The following TNNI3K variants were observed in gnomAD, a reference collection of about 807,000 sequenced individuals.
TNNI3K encodes the protein TNNI3 interacting kinase.
A neutral mutation model predicts 114.5 loss-of-function variants in TNNI3K; 140 were observed. The observed-to-expected ratio is 1.22, with a 90% confidence interval of 1.07 to 1.41. TNNI3K has a LOEUF of 1.41. TNNI3K is among the 40% of genes most tolerant of loss of function. The pLI is 0.00. For synonymous variants in TNNI3K, 347 were observed against 347.5 expected (o/e 1.00, Z 0.02); for missense variants, 1,125 against 1,007.6 (o/e 1.12, Z -1.58).
intron 21 of TNNI3K, among the ~76,000 whole-genome samples, chr1:74,473,447 TA>T (rs1478434392): frequency 6.6e-6 from 1 of 152,158 alleles, no homozygotes; most frequent in Non-Finnish European, 1.5e-5. Context: ...AGAAGTTTTT[TA>T]TTCCATGAGA....
intron 17 of TNNI3K, among the ~76,000 whole-genome samples, chr1:74,431,990 G>A (rs905867124): frequency 6.6e-6 from 1 of 152,040 alleles, no homozygotes; most frequent in Non-Finnish European, 1.5e-5. Flanking sequence ...CAAACTTGCT[G>A]TTATCTAAAA....
At chr1:74,346,670 T>A (rs1251951990) in intron 9 of TNNI3K, among the ~76,000 whole-genome samples, 1 of 149,636 alleles carries the variant, frequency 6.7e-6, no homozygotes, top group Admixed American at 6.8e-5. Context: ...CTAGAATGCC[T>A]GGCATAATCA....
intron 21 of TNNI3K, chr1:74,483,510 A>G: frequency 1.9e-6 from 1 of 521,780 alleles, no homozygotes. Flanking sequence ...TTAAGATGCC[A>G]GGTAAATAAC....
At chr1:74,515,773 T>C (rs1341988662) in intron 23 of TNNI3K, among the ~76,000 whole-genome samples, 2 of 152,182 alleles carry the variant, frequency 1.3e-5, no homozygotes, top group Admixed American at 6.5e-5. Context: ...ATAAGTATGA[T>C]AAAAGCTAAG....
At chr1:74,453,597 T>C (rs944322134) in intron 20 of TNNI3K, among the ~76,000 whole-genome samples, 7 of 152,168 alleles carry the variant, frequency 4.6e-5, no homozygotes, top group African/African-American at 1.7e-4. Context: ...AATATTAGCA[T>C]TGACTCCTAC....
intron 5 of TNNI3K, among the ~76,000 whole-genome samples, chr1:74,314,637 C>T (rs527962963): frequency 3.9e-4 from 59 of 152,156 alleles, no homozygotes; most frequent in African/African-American, 1.4e-3. Flanking sequence ...GCTTGGGTTG[C>T]ACAACTTGAT....
chr1:74,387,339 T>C lies in TNNI3K; in HGVS notation c.1772+16947T>C, dbSNP rs60036697. 5.0e-3 allele frequency among the ~76,000 whole-genome samples: 756 copies of C among 152,316 alleles called. 7 individuals carry two copies. Among genetic ancestry groups the C allele is most frequent in the African/African-American group, 0.017 (724 of 41,568 alleles). ...GAAACAAGCGAATACATTTAAAAATTCATATTTTCAGCATTTGATTAGTGA... is the reference window on the plus strand; with the variant it reads ...GAAACAAGCGAATACATTTAAAAATCCATATTTTCAGCATTTGATTAGTGA... On this transcript the variant is annotated intron_variant, in intron 17 of 24. Transcript: ENST00000326637.
At chr1:74,279,895 A>T (rs1300200081) in intron 5 of TNNI3K, among the ~76,000 whole-genome samples, 2 of 152,200 alleles carry the variant, frequency 1.3e-5, no homozygotes, top group East Asian at 3.9e-4. Context: ...AATAATTATA[A>T]CGTAATAAAT....
intron 17 of TNNI3K, among the ~76,000 whole-genome samples, chr1:74,409,743 C>G (rs948441126): frequency 1.5e-4 from 23 of 152,142 alleles, no homozygotes; most frequent in South Asian, 4.1e-4. Flanking sequence ...ATCCACCCAC[C>G]TTGGCCACCC....
At chr1:74,520,216 A>G (rs1487324713) in intron 23 of TNNI3K, among the ~76,000 whole-genome samples, 2 of 151,964 alleles carry the variant, frequency 1.3e-5, no homozygotes, top group Admixed American at 6.6e-5. Flanking sequence ...GCATCCTCAT[A>G]TACCTTGATT....
chr1:74,474,744 A>T (rs539018822), intron 21 of TNNI3K, among the ~76,000 whole-genome samples: 1 of 152,228 alleles, frequency 6.6e-6, no homozygotes, highest in South Asian at 2.1e-4. Flanking sequence ...CTTGGCTCCC[A>T]GTGTGGGACA....
intron 20 of TNNI3K, among the ~76,000 whole-genome samples, chr1:74,451,327 G>A (rs941124883): frequency 1.3e-5 from 2 of 152,058 alleles, no homozygotes; most frequent in Non-Finnish European, 2.9e-5. Context: ...GTTGATAGGT[G>A]CAGCAAACCA....
At chr1:74,256,068 C>A (rs954362201) in intron 4 of TNNI3K, among the ~76,000 whole-genome samples, 1 of 152,130 alleles carries the variant, frequency 6.6e-6, no homozygotes, top group Admixed American at 6.5e-5. Flanking sequence ...CTGTTCTGAA[C>A]ACTCACATAC....
Position 74,342,897 on chromosome 1 carries a change from A to G in TNNI3K, c.738A>G (p.Gly246=), listed in dbSNP as rs1406772340. 1 of 1,613,756 alleles carries G rather than the reference A, an allele frequency of 6.2e-7. No homozygotes were observed. Among genetic ancestry groups the G allele is most frequent in the East Asian group, 2.2e-5 (1 of 44,860 alleles). ...CACTCCATTTCTGTTCTCGATTTGG[A>G]CACCATGATATAGTTAAGTATCTGC... ...HVPLHFCSRF[G]HHDIVKYLLQ... Residue 246 remains glycine, a synonymous_variant, in exon 8 of 25, where the codon GGA becomes GGG. Coordinates refer to ENST00000326637, the MANE Select transcript of TNNI3K (RefSeq NM_015978.3).
chr1:74,489,562 A>T (rs551102059), intron 22 of TNNI3K, among the ~76,000 whole-genome samples: 2 of 152,358 alleles, frequency 1.3e-5, no homozygotes, highest in South Asian at 4.1e-4. Flanking sequence ...GTAATTATTT[A>T]ATCAATTTTT....
At chr1:74,253,122 C>T (rs549866505) in intron 4 of TNNI3K, among the ~76,000 whole-genome samples, 1 of 152,278 alleles carries the variant, frequency 6.6e-6, no homozygotes, top group South Asian at 2.1e-4. Context: ...CCAATTGGTG[C>T]ATCCACAAAC....
At chr1:74,522,191 C>T (rs925871288) in intron 23 of TNNI3K, among the ~76,000 whole-genome samples, 1 of 152,152 alleles carries the variant, frequency 6.6e-6, no homozygotes, top group Non-Finnish European at 1.5e-5. Flanking sequence ...CTTGATGAAT[C>T]AGGGCCAGAC....
At chr1:74,344,400 T>C (rs1195453496) in intron 9 of TNNI3K, among the ~76,000 whole-genome samples, 2 of 152,208 alleles carry the variant, frequency 1.3e-5, no homozygotes, top group African/African-American at 4.8e-5. Context: ...TAGAAAATAA[T>C]GTTGCAAATG....
intron 17 of TNNI3K, among the ~76,000 whole-genome samples, chr1:74,384,763 C>T (rs1019822663): frequency 6.6e-6 from 1 of 152,040 alleles, no homozygotes; most frequent in African/African-American, 2.4e-5. Flanking sequence ...GCAACGTTTC[C>T]TGAACTTGTT....
Sources: allele counts gnomAD v4.1 joint callset (sites outside exome capture counted in the v4.1 genomes callset), GRCh38; gene constraint gnomAD v4.1.1; transcripts MANE v1.5; gene names NCBI Gene and HGNC (gene_info 2026-07-23, HGNC 2026-07-21).